The following ZNF597 variants were observed in gnomAD, a reference collection of about 807,000 sequenced individuals.
ZNF597 encodes the protein zinc finger protein 597.
Under a neutral mutation model 7.3 loss-of-function variants are expected in ZNF597, and 5 were observed. That is an observed-to-expected ratio of 0.68 (90% CI 0.36 to 1.44). ZNF597 has a LOEUF of 1.44. ZNF597 is among the 40% of genes most tolerant of loss of function. The pLI is 0.04. For missense variants in ZNF597, 585 were observed against 517.9 expected (o/e 1.13, Z -1.26); for synonymous variants, 209 against 185.4 (o/e 1.13, Z -1.04).
chr16:3,440,967 G>T, intron 2 of ZNF597, 34 bp from the exon 3 acceptor site: 1 of 1,604,352 alleles, frequency 6.2e-7, no homozygotes, highest in Non-Finnish European at 8.5e-7. Flanking sequence ...GCACAAGAGG[G>T]TGGAGGGTCA....
At chr16:3,443,002 A>G (rs543665672) in intron 2 of ZNF597, 119 bp downstream of exon 2, 113 of 1,221,080 alleles carry the variant, frequency 9.3e-5, no homozygotes, top group Non-Finnish European at 1.3e-4. Context: ...TCAAAGGGCT[A>G]TTTGGGGCTC....
chr16:3,437,591 C>G (rs2034318989), intron 3 of ZNF597, 53 bp from the exon 4 acceptor site: 2 of 1,523,526 alleles, frequency 1.3e-6, no homozygotes, highest in Non-Finnish European at 1.7e-6. Context: ...TCAAGGGATA[C>G]TGGGGAAAAA....
chr16:3,441,277 G>A (rs2034366270), intron 2 of ZNF597, among the ~76,000 whole-genome samples: 1 of 152,206 alleles, frequency 6.6e-6, no homozygotes, highest in African/African-American at 2.4e-5. Context: ...GCCGGGTGTG[G>A]TGGCTCATGC....
Position 3,432,612 on chromosome 16 carries a change from A to G in ZNF597, c.*3812T>C, listed in dbSNP as rs2034266637. ...ATCCAAAGGAACTGGAGATTACAGCACATTCTTACGTTTACACAGAAGAAT... is the reference window on the plus strand; with the variant it reads ...ATCCAAAGGAACTGGAGATTACAGCGCATTCTTACGTTTACACAGAAGAAT... On this transcript the variant is annotated 3_prime_UTR_variant, in exon 4 of 4. Transcript: ENST00000301744. The G allele has an allele frequency of 6.6e-6, 1 of 152,206 alleles. No homozygotes were observed. Among genetic ancestry groups the G allele is most frequent in the African/African-American group, 2.4e-5 (1 of 41,456 alleles). 9.4% of individuals were successfully genotyped at this position (152,206 alleles called of 1,614,324 possible). A position where few individuals can be genotyped will look rare whatever the true frequency, so the allele number is the denominator to read the frequency against.
rs1471572408 is a variant in ZNF597 at position 3,432,778 on chromosome 16, T to C, written c.*3646A>G. On this transcript the variant is annotated 3_prime_UTR_variant, in exon 4 of 4. Coordinates refer to ENST00000301744, the MANE Select transcript of ZNF597 (RefSeq NM_152457.3). ...GAATCAGATCAATAGCTCTTCTAAATTACAAAACTAAACCAGATGAATACA... is the reference window on the plus strand; with the variant it reads ...GAATCAGATCAATAGCTCTTCTAAACTACAAAACTAAACCAGATGAATACA... 2.6e-5 allele frequency: 4 copies of C among 152,234 alleles called. No individual in the cohort carries two copies. Among genetic ancestry groups the C allele is most frequent in the Admixed American group, 6.5e-5 (1 of 15,280 alleles). The allele number at this position is 152,234 out of a possible 1,614,324, so 9.4% of individuals were successfully genotyped here.
Position 3,440,924 on chromosome 16 carries a change from G to A in ZNF597, c.43C>T (p.Leu15Phe), listed in dbSNP as rs756185895. ...AAATACACAGCCAGATCCTCAAAGA[G>A]TATTGGTCCCTGAAACACAAGAGCC... ...PPTPEAQGPI[L>F]FEDLAVYFSQ... Residue 15 changes from leucine to phenylalanine, a missense_variant, in exon 3 of 4, where the codon CTC becomes TTC. Coordinates refer to ENST00000301744, the MANE Select transcript of ZNF597 (RefSeq NM_152457.3). 11 of 1,613,352 alleles carry A rather than the reference G, an allele frequency of 6.8e-6. No homozygotes were observed. Among genetic ancestry groups the A allele is most frequent in the Non-Finnish European group, 8.5e-6 (10 of 1,179,656 alleles).
At chr16:3,442,785 A>C (rs2034407696) in intron 2 of ZNF597, among the ~76,000 whole-genome samples, 1 of 152,126 alleles carries the variant, frequency 6.6e-6, no homozygotes, top group Non-Finnish European at 1.5e-5. Context: ...AGACGGAGCT[A>C]TGATATCAGC....
rs1311110315 is a variant in ZNF597 at position 3,434,938 on chromosome 16, GTATATGAATC to G, written c.*1476_*1485del. The G allele has an allele frequency of 1.3e-5, 2 of 152,234 alleles. No individual in the cohort carries two copies. The highest frequency in any genetic ancestry group is 6.8e-3 in the Middle Eastern group (2 of 296). 9.4% of individuals were successfully genotyped at this position (152,234 alleles called of 1,614,324 possible). On this transcript the variant is annotated 3_prime_UTR_variant, in exon 4 of 4. Coordinates refer to ENST00000301744, the MANE Select transcript of ZNF597 (RefSeq NM_152457.3). ...ATACAATCGACTTTAATGAGAAATT[GTATATGAATC>G]TATATTTACAACATTCTGTGGTTCT...
intron 2 of ZNF597, among the ~76,000 whole-genome samples, chr16:3,441,703 G>T (rs140023815): frequency 6.6e-6 from 1 of 151,496 alleles, no homozygotes; most frequent in East Asian, 1.9e-4. Context: ...AGCTTGCAGT[G>T]AGCTGAGATC....
rs771874194 is a variant in ZNF597 at position 3,443,111 on chromosome 16, C to G, written c.33+10G>C. The G allele has an allele frequency of 6.2e-7, 1 of 1,614,184 alleles. No homozygotes were observed. The highest frequency in any genetic ancestry group is 2.2e-5 in the East Asian group (1 of 44,878). On this transcript the variant is annotated intron_variant, in intron 2 of 3. Coordinates refer to ENST00000301744, the MANE Select transcript of ZNF597 (RefSeq NM_152457.3). ...CAATAAACTTGGACGAAAAAGGTAC[C>G]TCGACTCACCTGGGCCTCGGGCGTC...
intron 1 of ZNF597, 22 bp downstream of exon 1, chr16:3,443,338 G>T: frequency 1.6e-6 from 1 of 609,790 alleles, no homozygotes; most frequent in African/African-American, 1.9e-5. Flanking sequence ...TCTTGGCCCG[G>T]CCTCGAAAGG....
Position 3,437,022 on chromosome 16 carries a change from TGA to T in ZNF597, c.675_676del (p.His226SerfsTer7), listed in dbSNP as rs2034311177. On this transcript the variant is annotated frameshift_variant, in exon 4 of 4. Transcript: ENST00000301744. LOFTEE classifies it low-confidence loss of function (END_TRUNC). Reference sequence around the variant, plus strand: ...GTGGCTATTCATGTGTCGGGATAGATGAGAGTGCTGGCGAAAGCTGGCACTGC... The same window carrying T: ...GTGGCTATTCATGTGTCGGGATAGATGAGTGCTGGCGAAAGCTGGCACTGC... 1.2e-6 allele frequency: 2 copies of T among 1,614,114 alleles called. No homozygotes were observed. The highest frequency in any genetic ancestry group is 1.7e-6 in the Non-Finnish European group (2 of 1,180,054).
In ZNF597 at chr16:3,436,572, T is replaced by C. The variant is rs377330632; in HGVS notation, c.1127A>G (p.Glu376Gly). ...ERPHKCKTCE[E>G]SFALDSELAC... ...AAGTTCTGAGTCCAAAGCAAAACTT[T>C]CCTCGCATGTTTTGCACTTATGGGG... The change falls in exon 4 of 4, where the codon GAA becomes GGA. Residue 376 changes from glutamate to glycine, a missense_variant. Coordinates refer to ENST00000301744, the MANE Select transcript of ZNF597 (RefSeq NM_152457.3). The C allele has an allele frequency of 6.4e-5, 103 of 1,612,222 alleles. No homozygotes were observed. In the African/African-American group the frequency reaches 7.2e-4, roughly 11 times the overall value.
At chr16:3,440,966 G>C in intron 2 of ZNF597, 33 bp from the exon 3 acceptor site, 1 of 1,604,560 alleles carries the variant, frequency 6.2e-7, no homozygotes. Context: ...AGCACAAGAG[G>C]GTGGAGGGTC....
chr16:3,442,924 T>C (rs916024706), intron 2 of ZNF597, among the ~76,000 whole-genome samples, 197 bp downstream of exon 2: 1 of 151,992 alleles, frequency 6.6e-6, no homozygotes, highest in African/African-American at 2.4e-5. Flanking sequence ...CTGCTCCCAG[T>C]TGGTAGTTCT....
At chr16:3,438,241 C>T (rs2150933189) in intron 3 of ZNF597, among the ~76,000 whole-genome samples, 1 of 141,826 alleles carries the variant, frequency 7.1e-6, no homozygotes, top group African/African-American at 2.6e-5. Context: ...AAGATGACAG[C>T]AAGAATGAGT....
At chr16:3,442,664 G>C (rs976564557) in intron 2 of ZNF597, among the ~76,000 whole-genome samples, 1 of 131,852 alleles carries the variant, frequency 7.6e-6, no homozygotes, top group African/African-American at 2.9e-5. Context: ...GACAGAGCGA[G>C]ACTCTGTATC....
intron 3 of ZNF597, among the ~76,000 whole-genome samples, chr16:3,439,616 C>A (rs1233852107): frequency 2.6e-5 from 4 of 151,166 alleles, no homozygotes; most frequent in African/African-American, 4.9e-5. Flanking sequence ...TGAACCTATC[C>A]TAACAAAGCA....
chr16:3,440,506 C>T (rs1001469987), intron 3 of ZNF597, among the ~76,000 whole-genome samples: 13 of 152,000 alleles, frequency 8.6e-5, no homozygotes, highest in Non-Finnish European at 1.2e-4. Flanking sequence ...TGGTGGCAGG[C>T]GGCTGTAGTC....
Sources: gnomAD v4.1 joint callset for allele counts (sites outside exome capture counted in the v4.1 genomes callset) on GRCh38, gnomAD v4.1.1 for gene constraint, MANE v1.5 for transcripts, NCBI Gene and HGNC (gene_info 2026-07-23, HGNC 2026-07-21) for gene names.